ADAMTS6: variants seen among roughly 807,000 people sequenced by gnomAD.
ADAMTS6 encodes A disintegrin and metalloproteinase with thrombospondin motifs 6.
In ADAMTS6, 23 loss-of-function variants were observed where a neutral mutation model predicts 144.3. That is an observed-to-expected ratio of 0.16 (90% CI 0.11 to 0.23). The LOEUF (loss-of-function observed/expected upper bound fraction) is 0.23, where lower values mean the gene tolerates loss of function less well. ADAMTS6 is among the 10% of genes least tolerant of loss of function. ADAMTS6 has a pLI of 1.00. For synonymous variants in ADAMTS6, 444 were observed against 457.5 expected (o/e 0.97, Z 0.38); for missense variants, 999 against 1,379.6 (o/e 0.72, Z 4.37).
chr5:65,385,327 T>C (rs1752395457), intron 7 of ADAMTS6, among the ~76,000 whole-genome samples: 1 of 152,196 alleles, frequency 6.6e-6, no homozygotes, highest in African/African-American at 2.4e-5. Context: ...AATCACTTCA[T>C]TGCACAGTAG....
At chr5:65,287,412 G>T (rs1741784836) in intron 11 of ADAMTS6, among the ~76,000 whole-genome samples, 1 of 152,060 alleles carries the variant, frequency 6.6e-6, no homozygotes, top group Non-Finnish European at 1.5e-5. Context: ...ATTCCTAATA[G>T]AAAACAGAAC....
At chr5:65,193,549 A>G (rs1447066007) in intron 21 of ADAMTS6, among the ~76,000 whole-genome samples, 1 of 152,076 alleles carries the variant, frequency 6.6e-6, no homozygotes, top group Non-Finnish European at 1.5e-5. Context: ...CCCCTATAAA[A>G]TAATGAAAGA....
At chr5:65,271,928 T>C (rs1032144101) in intron 12 of ADAMTS6, among the ~76,000 whole-genome samples, 8 of 152,216 alleles carry the variant, frequency 5.3e-5, no homozygotes, top group African/African-American at 1.9e-4. Context: ...TGTATTTTTA[T>C]TGGCTACTTA....
At chr5:65,323,790 A>T (rs1334307275) in intron 9 of ADAMTS6, among the ~76,000 whole-genome samples, 1 of 152,078 alleles carries the variant, frequency 6.6e-6, no homozygotes, top group Non-Finnish European at 1.5e-5. Context: ...TTGTTTCCTG[A>T]CTTTTTAATG....
chr5:65,403,915 A>C (rs1754180404), intron 7 of ADAMTS6, among the ~76,000 whole-genome samples: 1 of 152,100 alleles, frequency 6.6e-6, no homozygotes, highest in Admixed American at 6.6e-5. Context: ...GTTCACTCCT[A>C]TATTTCAGTG....
At chr5:65,298,939 G>A (rs1743112431) in intron 10 of ADAMTS6, among the ~76,000 whole-genome samples, 1 of 151,936 alleles carries the variant, frequency 6.6e-6, no homozygotes. Flanking sequence ...TATGTAACTT[G>A]TTTGAATTTT....
chr5:65,434,264 C>T (rs946765496), intron 7 of ADAMTS6, among the ~76,000 whole-genome samples: 3 of 152,086 alleles, frequency 2.0e-5, no homozygotes, highest in Non-Finnish European at 2.9e-5. Context: ...AGGGTGACAA[C>T]TAATGAGTAT....
chr5:65,195,832 T>A (rs1462850458), intron 21 of ADAMTS6, among the ~76,000 whole-genome samples: 1 of 152,222 alleles, frequency 6.6e-6, no homozygotes, highest in African/African-American at 2.4e-5. Flanking sequence ...TTCATCCAAT[T>A]TCTCAAACAA....
intron 24 of ADAMTS6, among the ~76,000 whole-genome samples, chr5:65,167,295 A>G (rs1432227572): frequency 6.6e-6 from 1 of 152,200 alleles, no homozygotes; most frequent in Non-Finnish European, 1.5e-5. Context: ...GAAATGGATA[A>G]CTTCCTCGAC....
chr5:65,415,544 C>G, intron 7 of ADAMTS6: 1 of 345,700 alleles, frequency 2.9e-6, no homozygotes, highest in Non-Finnish European at 5.8e-6. Flanking sequence ...CCAATCTGGG[C>G]CAGCTAGTCA....
At position 65,415,987 on chromosome 5, in the gene ADAMTS6, C is replaced by T. The variant is rs764047105; in HGVS notation, c.1073+35488G>A. 12 of 185,904 alleles carry T rather than the reference C, an allele frequency of 6.5e-5. 1 individual carries two copies. The highest frequency in any genetic ancestry group is 2.4e-3 in the Middle Eastern group (1 of 422). The allele number at this position is 185,904 out of a possible 1,614,324, so 11.5% of individuals were successfully genotyped here. On this transcript the variant is annotated intron_variant, in intron 7 of 24. Coordinates refer to ENST00000381055, the MANE Select transcript of ADAMTS6 (RefSeq NM_197941.4). ...CCCATGCCCAAGAAGCTGCTGATGA[C>T]GGCTGGTATCGATGACTGCTACACT...
At chr5:65,284,701 T>A (rs555537339) in intron 11 of ADAMTS6, among the ~76,000 whole-genome samples, 1 of 152,256 alleles carries the variant, frequency 6.6e-6, no homozygotes, top group South Asian at 2.1e-4. Context: ...AAGAGAAAAC[T>A]TTCAAGTTTG....
At chr5:65,197,331 A>T (rs545878955) in intron 20 of ADAMTS6, among the ~76,000 whole-genome samples, 180 bp from the exon 21 acceptor site, 1 of 152,338 alleles carries the variant, frequency 6.6e-6, no homozygotes, top group African/African-American at 2.4e-5. Context: ...AATTTTAGGC[A>T]AAGTTATTTT....
intron 7 of ADAMTS6, among the ~76,000 whole-genome samples, chr5:65,445,192 ATCT>A (rs2150238654): frequency 6.6e-6 from 1 of 152,324 alleles, no homozygotes; most frequent in Non-Finnish European, 1.5e-5. Context: ...AGGAAATAGC[ATCT>A]TCTTGTTTCC....
chr5:65,219,745 G>A (rs926688133), intron 18 of ADAMTS6, among the ~76,000 whole-genome samples: 1 of 152,152 alleles, frequency 6.6e-6, no homozygotes, highest in Non-Finnish European at 1.5e-5. Context: ...AGGAACATTT[G>A]AAAATCATAA....
In ADAMTS6 at chr5:65,471,140, C is replaced by T; in HGVS notation, c.100G>A (p.Glu34Lys). The change falls in exon 3 of 25, where the codon GAA becomes AAA. Residue 34 changes from glutamate (E) to lysine (K), a missense_variant and splice_region_variant. By Grantham distance (56) the Glu-to-Lys change is moderately conservative. Around this residue, in one of 3 missense-constraint regions of ADAMTS6, gnomAD observed 252 missense variants for 293.7 expected, o/e 0.86. Transcript: ENST00000381055. ...TAGTGTTCAAGATAAGTCAGGAATT[C>T]CTCTTTGTAATCACAAGGCAGAGAA... ...DHRLSYSSQE[E>K]FLTYLEHYQL... The T allele has an allele frequency of 6.3e-7, 1 of 1,579,056 alleles. No homozygotes were observed. Among genetic ancestry groups the T allele is most frequent in the Non-Finnish European group, 8.5e-7 (1 of 1,170,062 alleles).
intron 12 of ADAMTS6, 35 bp from the exon 13 acceptor site, chr5:65,262,997 T>C (rs1283171914): frequency 9.3e-6 from 15 of 1,612,988 alleles, no homozygotes; most frequent in Non-Finnish European, 1.3e-5. Flanking sequence ...GAATTAGCTT[T>C]TAGGCAGATA....
At chr5:65,210,665 G>T (rs558524417) in intron 20 of ADAMTS6, 1 of 620,702 alleles carries the variant, frequency 1.6e-6, no homozygotes, top group Admixed American at 1.9e-5. Context: ...CAATTCCCTG[G>T]TTATGATTCT....
chr5:65,277,997 T>C (rs773976876), intron 11 of ADAMTS6, among the ~76,000 whole-genome samples: 2 of 125,416 alleles, frequency 1.6e-5, no homozygotes, highest in Non-Finnish European at 3.3e-5. Context: ...CCCTCCCCCT[T>C]GAGTCTCTAA....
Sources: gnomAD v4.1 joint callset for allele counts (sites outside exome capture counted in the v4.1 genomes callset) on GRCh38, gnomAD v4.1.1 for gene constraint, gnomAD v4.1.1 regional missense constraint, MANE v1.5 for transcripts, NCBI Gene and HGNC (gene_info 2026-07-23, HGNC 2026-07-21) for gene names.